FBXO36: variants seen among roughly 807,000 people sequenced by gnomAD.
FBXO36 encodes the protein F-box only protein 36.
In FBXO36, 18 loss-of-function variants were observed where a neutral mutation model predicts 17.0. The observed-to-expected ratio is 1.06, with a 90% CI of 0.73 to 1.57. The LOEUF is 1.57. Among genes scored for constraint, FBXO36 ranks in the 40% most tolerant of loss-of-function variants. The pLI is 0.00. For missense variants in FBXO36, 229 were observed against 221.9 expected, an observed-to-expected ratio of 1.03 and a Z score of -0.20; for synonymous variants, 83 against 85.3, an observed-to-expected ratio of 0.97 and a Z score of 0.15.
chr2:230,009,821 CT>C (rs1261247456), intron 3 of FBXO36, among the ~76,000 whole-genome samples: 1 of 152,064 alleles, frequency 6.6e-6, no homozygotes, highest in Non-Finnish European at 1.5e-5. Context: ...TGGTGTGCAC[CT>C]GTAGTACTAG....
At position 230,011,598 on chromosome 2, in the gene FBXO36, C is replaced by CTTTTTTTTTTTTTTTTTTTTTCTT. The variant is rs5839351; in HGVS notation, c.*731_*732insTTTTCTTTTTTTTTTTTTTTTTTT. Reference sequence around the variant, plus strand: ...AACCTATAAACATTTCTTTTCTTTTCTTTTTTTTTTTTTTTTTGTATTTTC... The same window carrying CTTTTTTTTTTTTTTTTTTTTTCTT: ...AACCTATAAACATTTCTTTTCTTTTCTTTTTTTTTTTTTTTTTTTTTCTTTTTTTTTTTTTTTTTTTGTATTTTC... On this transcript the variant is annotated 3_prime_UTR_variant, in exon 4 of 4. Coordinates refer to ENST00000283946, the MANE Select transcript of FBXO36 (RefSeq NM_174899.5). The CTTTTTTTTTTTTTTTTTTTTTCTT allele has an allele frequency of 8.1e-6, 1 of 123,442 alleles. No individual in the cohort carries two copies. The highest frequency in any genetic ancestry group is 9.2e-5 in the Admixed American group (1 of 10,812). The allele number at this position is 123,442 out of a possible 1,614,324, so 7.6% of individuals were successfully genotyped here.
intron 1 of FBXO36, among the ~76,000 whole-genome samples, chr2:229,947,362 T>C (rs2077032443): frequency 1.3e-5 from 2 of 152,194 alleles, no homozygotes; most frequent in Non-Finnish European, 2.9e-5. Flanking sequence ...AGTCAGTGAA[T>C]TGTGATACTA....
chr2:229,948,887 G>A (rs1354315689), intron 1 of FBXO36, among the ~76,000 whole-genome samples: 3 of 151,966 alleles, frequency 2.0e-5, no homozygotes, highest in Admixed American at 6.6e-5. Context: ...AGGCTGGAGC[G>A]CAGTGGCATG....
intron 1 of FBXO36, among the ~76,000 whole-genome samples, chr2:229,955,919 C>T (rs2077085020): frequency 6.6e-6 from 1 of 152,120 alleles, no homozygotes; most frequent in Non-Finnish European, 1.5e-5. Flanking sequence ...TCCCACTGAG[C>T]AGTGAATGGT....
At chr2:229,929,921 C>T (rs1381819874) in intron 1 of FBXO36, among the ~76,000 whole-genome samples, 8 of 152,214 alleles carry the variant, frequency 5.3e-5, no homozygotes, top group Admixed American at 2.0e-4. Context: ...CACTGACCAC[C>T]GTCCACAGCC....
intron 3 of FBXO36, among the ~76,000 whole-genome samples, chr2:230,003,640 C>G (rs1310637730): frequency 6.6e-6 from 1 of 151,996 alleles, no homozygotes; most frequent in African/African-American, 2.4e-5. Context: ...TCAACTGATT[C>G]TCCTGCCTCA....
At chr2:229,975,113 A>G (rs893370124) in intron 1 of FBXO36, among the ~76,000 whole-genome samples, 1 of 152,248 alleles carries the variant, frequency 6.6e-6, no homozygotes, top group African/African-American at 2.4e-5. Context: ...ACAGCCTTTA[A>G]GTGCAGTCCA....
chr2:229,996,980 A>G, intron 3 of FBXO36, 57 bp downstream of exon 3: 2 of 1,524,698 alleles, frequency 1.3e-6, no homozygotes, highest in South Asian at 2.5e-5. Flanking sequence ...TCTAAAAAAA[A>G]TTTTTAACAT....
At chr2:229,973,921 G>A (rs1197602238) in intron 1 of FBXO36, among the ~76,000 whole-genome samples, 7 of 151,310 alleles carry the variant, frequency 4.6e-5, no homozygotes, top group African/African-American at 7.3e-5. Flanking sequence ...GTGGTGGCAC[G>A]CGCCTGTGGT....
intron 1 of FBXO36, among the ~76,000 whole-genome samples, chr2:229,928,407 A>G (rs1454846279): frequency 3.9e-5 from 6 of 152,180 alleles, no homozygotes; most frequent in Non-Finnish European, 7.3e-5. Context: ...ACAGATTTTT[A>G]CTCTCCGCAT....
intron 1 of FBXO36, among the ~76,000 whole-genome samples, chr2:229,926,792 C>G (rs1462871269): frequency 6.6e-6 from 1 of 151,598 alleles, no homozygotes; most frequent in Non-Finnish European, 1.5e-5. Context: ...CATATATTTT[C>G]TTATATTGGA....
chr2:229,953,060 G>C (rs192125847), intron 1 of FBXO36, among the ~76,000 whole-genome samples: 1 of 152,168 alleles, frequency 6.6e-6, no homozygotes, highest in South Asian at 2.1e-4. Flanking sequence ...GAAAACGGCC[G>C]GGTGCGGTGG....
intron 1 of FBXO36, chr2:229,945,228 T>A (rs1393746054): frequency 6.6e-6 from 1 of 152,162 alleles, no homozygotes; most frequent in Non-Finnish European, 1.5e-5. Context: ...TAGTTATGAA[T>A]ATACCAAGGC....
At position 230,011,598 on chromosome 2, in the gene FBXO36, C is replaced by CTTTTTTTTTTTTTTTTTTTTTTT. The variant is rs5839351; in HGVS notation, c.*731_*732insTTTTTTTTTTTTTTTTTTTTTTT. On this transcript the variant is annotated 3_prime_UTR_variant, in exon 4 of 4. Coordinates refer to ENST00000283946, the MANE Select transcript of FBXO36 (RefSeq NM_174899.5). ...AACCTATAAACATTTCTTTTCTTTT[C>CTTTTTTTTTTTTTTTTTTTTTTT]TTTTTTTTTTTTTTTTTGTATTTTC... 4 of 123,440 alleles carry CTTTTTTTTTTTTTTTTTTTTTTT rather than the reference C, an allele frequency of 3.2e-5. No homozygotes were observed. The highest frequency in any genetic ancestry group is 6.5e-5 in the Non-Finnish European group (4 of 61,974). 7.6% of individuals were successfully genotyped at this position (123,440 alleles called of 1,614,324 possible). A position where few individuals can be genotyped will look rare whatever the true frequency, so the allele number is the denominator to read the frequency against.
At chr2:229,939,047 GTTTGTTT>G (rs1238729369) in intron 1 of FBXO36, 3 of 149,062 alleles carry the variant, frequency 2.0e-5, no homozygotes, top group Non-Finnish European at 4.0e-5. Context: ...CTTTTTTTTG[GTTTGTTT>G]TTTGTTTTTT....
At chr2:229,995,739 T>C (rs1254921052) in intron 2 of FBXO36, among the ~76,000 whole-genome samples, 2 of 151,700 alleles carry the variant, frequency 1.3e-5, no homozygotes, top group African/African-American at 4.8e-5. Context: ...ATTACAGGCA[T>C]GTGCCACCAC....
chr2:230,002,626 C>T (rs2077365906), intron 3 of FBXO36, among the ~76,000 whole-genome samples: 1 of 152,128 alleles, frequency 6.6e-6, no homozygotes. Context: ...TGAAGCAATC[C>T]TCCTGCTTCA....
At chr2:229,987,938 T>C (rs1462648264) in intron 2 of FBXO36, among the ~76,000 whole-genome samples, 3 of 152,290 alleles carry the variant, frequency 2.0e-5, no homozygotes, top group Admixed American at 2.0e-4. Context: ...CTTGCCTAAA[T>C]CATTGTTTAG....
chr2:229,972,037 C>T (rs1221375655), intron 1 of FBXO36, among the ~76,000 whole-genome samples: 10 of 148,508 alleles, frequency 6.7e-5, no homozygotes, highest in East Asian at 3.9e-4. Flanking sequence ...CTCTTGTCCC[C>T]GGCTGGAGTG....
Sources: gnomAD v4.1 joint callset for allele counts (sites outside exome capture counted in the v4.1 genomes callset) on GRCh38, gnomAD v4.1.1 for gene constraint, MANE v1.5 for transcripts, NCBI Gene and HGNC (gene_info 2026-07-23, HGNC 2026-07-21) for gene names.